The following TLN2 variants were observed in gnomAD, a reference collection of about 807,000 sequenced individuals.
TLN2 encodes the protein talin-2.
A neutral mutation model predicts 294.7 loss-of-function variants in TLN2; 118 were observed. That is an observed-to-expected ratio of 0.40 (90% CI 0.34 to 0.47). The LOEUF (loss-of-function observed/expected upper bound fraction) is 0.47. Among genes scored for constraint, TLN2 ranks in the 20% least tolerant of loss-of-function variants. TLN2 has a pLI of 0.84. For missense variants in TLN2, 3,083 were observed against 3,282.2 expected, an observed-to-expected ratio of 0.94 and a Z score of 1.48; for synonymous variants, 1,431 against 1,304.5, an observed-to-expected ratio of 1.10 and a Z score of -2.09.
chr15:62,536,727 C>G (rs1415202690), intron 1 of TLN2, among the ~76,000 whole-genome samples: 1 of 152,098 alleles, frequency 6.6e-6, no homozygotes, highest in Non-Finnish European at 1.5e-5. Flanking sequence ...GCTTTCCTGA[C>G]CGAGCTATTC....
At chr15:62,733,505 A>G (rs1227918824) in intron 28 of TLN2, among the ~76,000 whole-genome samples, 2 of 152,206 alleles carry the variant, frequency 1.3e-5, no homozygotes, top group African/African-American at 4.8e-5. Flanking sequence ...CAGTCTTCAA[A>G]ATATATTTCT....
intron 54 of TLN2, among the ~76,000 whole-genome samples, chr15:62,826,713 CAACA>C (rs1022131880): frequency 4.8e-4 from 29 of 59,868 alleles, no homozygotes; most frequent in Admixed American, 1.8e-3. Context: ...AAACTTGCAA[CAACA>C]AAAAAAAAAG....
intron 25 of TLN2, among the ~76,000 whole-genome samples, chr15:62,721,442 T>C (rs2060142553): frequency 6.6e-6 from 1 of 152,152 alleles, no homozygotes; most frequent in African/African-American, 2.4e-5. Context: ...GTTTCAGTTA[T>C]TTTTTATTAT....
chr15:62,751,252 A>G (rs1394235139), intron 34 of TLN2, among the ~76,000 whole-genome samples: 2 of 152,192 alleles, frequency 1.3e-5, no homozygotes, highest in Non-Finnish European at 2.9e-5. Flanking sequence ...AGAAGAATGG[A>G]TGTCGAGCTG....
At chr15:62,533,424 C>T (rs907229026) in intron 1 of TLN2, among the ~76,000 whole-genome samples, 2 of 151,994 alleles carry the variant, frequency 1.3e-5, no homozygotes, top group Non-Finnish European at 2.9e-5. Context: ...CCCCTAACCC[C>T]TCCCTCAACA....
At chr15:62,580,801 C>T (rs1295530948) in intron 1 of TLN2, among the ~76,000 whole-genome samples, 1 of 151,764 alleles carries the variant, frequency 6.6e-6, no homozygotes, top group African/African-American at 2.4e-5. Context: ...AAAGTAGTTT[C>T]ACTGCCCAAA....
chr15:62,578,178 G>T (rs2044594910), intron 1 of TLN2, among the ~76,000 whole-genome samples: 1 of 152,166 alleles, frequency 6.6e-6, no homozygotes, highest in African/African-American at 2.4e-5. Context: ...TTTTTTAAAA[G>T]AAAGTTTTAA....
At chr15:62,459,806 TA>T (rs1355420696) in intron 1 of TLN2, among the ~76,000 whole-genome samples, 104 of 152,284 alleles carry the variant, frequency 6.8e-4, no homozygotes, top group African/African-American at 2.2e-3. Flanking sequence ...TGGGGCCACT[TA>T]GTGTCTGAGG....
At chr15:62,718,682 G>A (rs888508292) in intron 24 of TLN2, among the ~76,000 whole-genome samples, 5 of 152,202 alleles carry the variant, frequency 3.3e-5, no homozygotes, top group Non-Finnish European at 7.3e-5. Context: ...CTTGCTGAGA[G>A]TGAGGCCTCT....
At chr15:62,777,392 C>T (rs371956178) in intron 43 of TLN2, among the ~76,000 whole-genome samples, 51 of 152,006 alleles carry the variant, frequency 3.4e-4, no homozygotes, top group African/African-American at 1.1e-3. Flanking sequence ...CAAAATTAGC[C>T]GGGCATGGTT....
At chr15:62,577,493 A>C (rs1171451193) in intron 1 of TLN2, among the ~76,000 whole-genome samples, 1 of 152,070 alleles carries the variant, frequency 6.6e-6, no homozygotes, top group Admixed American at 6.5e-5. Flanking sequence ...AAACAAAAGA[A>C]CTACTTCATA....
chr15:62,552,331 A>G (rs2042367590), intron 1 of TLN2, among the ~76,000 whole-genome samples: 1 of 152,148 alleles, frequency 6.6e-6, no homozygotes, highest in African/African-American at 2.4e-5. Context: ...CGGATTCCAT[A>G]TTTGTCAATT....
At chr15:62,572,354 C>T (rs1444531363) in intron 1 of TLN2, among the ~76,000 whole-genome samples, 3 of 152,170 alleles carry the variant, frequency 2.0e-5, no homozygotes, top group African/African-American at 7.2e-5. Flanking sequence ...GATCCTTCCA[C>T]CTCAGCCTCC....
At chr15:62,728,530 T>C (rs978122041) in intron 28 of TLN2, among the ~76,000 whole-genome samples, 1 of 152,228 alleles carries the variant, frequency 6.6e-6, no homozygotes, top group Non-Finnish European at 1.5e-5. Context: ...CAGCAGTGTA[T>C]GGAAGCTCCA....
chr15:62,686,778 A>G lies in TLN2; in HGVS notation c.1095A>G (p.Ser365=), dbSNP rs750629080. ...CCACCGTCAAGCGCTGGGCAGCCTCACCCAAGAGCTTCACACTGGTAGGGA... is the reference window on the plus strand; with the variant it reads ...CCACCGTCAAGCGCTGGGCAGCCTCGCCCAAGAGCTTCACACTGGTAGGGA... ...PLTTVKRWAA[S]PKSFTLDFGE... Residue 365 remains serine, a synonymous_variant, in exon 12 of 59, where the codon TCA becomes TCG. Coordinates refer to ENST00000636159, the MANE Select transcript of TLN2 (RefSeq NM_015059.3). 1 of 1,613,278 alleles carries G rather than the reference A, an allele frequency of 6.2e-7. No homozygotes were observed. The highest frequency in any genetic ancestry group is 1.1e-5 in the South Asian group (1 of 91,030).
At chr15:62,701,930 T>G in intron 17 of TLN2, 62 bp from the exon 18 acceptor site, 2 of 1,581,964 alleles carry the variant, frequency 1.3e-6, no homozygotes, top group Admixed American at 3.4e-5. Context: ...GTGTGGGGTT[T>G]TGAAAATTCT....
chr15:62,676,654 G>A (rs918013738), intron 11 of TLN2, among the ~76,000 whole-genome samples: 11 of 152,230 alleles, frequency 7.2e-5, no homozygotes, highest in Non-Finnish European at 1.0e-4. Context: ...TCACTCTGTC[G>A]CCCAGGCCGG....
rs904476751 is a variant in TLN2, at chr15:62,540,771, C to A, written c.-237-48916C>A. On this transcript the variant is annotated intron_variant, in intron 1 of 58. Coordinates refer to ENST00000636159, the MANE Select transcript of TLN2 (RefSeq NM_015059.3). ...CGAAGGGCCTTAGTCAGGGGATTCA[C>A]TGGGTCAGGATGCATGATCCGGGTG... 2.6e-5 allele frequency among the ~76,000 whole-genome samples: 4 copies of A among 152,196 alleles called. No individual in the cohort carries two copies. In the South Asian group the frequency reaches 8.3e-4, roughly 32 times the overall value.
chr15:62,429,318 C>G (rs980702662), intron 1 of TLN2, among the ~76,000 whole-genome samples: 2 of 152,136 alleles, frequency 1.3e-5, no homozygotes, highest in Admixed American at 6.6e-5. Context: ...TGAACTGATT[C>G]ATCGGTTGGT....
Sources: gnomAD v4.1 joint callset for allele counts (sites outside exome capture counted in the v4.1 genomes callset) on GRCh38, gnomAD v4.1.1 for gene constraint, MANE v1.5 for transcripts, NCBI Gene and HGNC (gene_info 2026-07-23, HGNC 2026-07-21) for gene names.